CTDSPL: variants seen among roughly 807,000 people sequenced by gnomAD.
CTDSPL encodes CTD small phosphatase-like protein.
In CTDSPL, 8 loss-of-function variants were observed where a neutral mutation model predicts 30.5. That is an observed-to-expected ratio of 0.26 (90% CI 0.15 to 0.47). The LOEUF is 0.47. Among genes scored for constraint, CTDSPL ranks in the 20% least tolerant of loss-of-function variants. CTDSPL has a pLI of 0.99. For synonymous variants in CTDSPL, 110 were observed against 137.9 expected, an observed-to-expected ratio of 0.80 and a Z score of 1.42; for missense variants, 248 against 366.1, an observed-to-expected ratio of 0.68 and a Z score of 2.63.
intron 1 of CTDSPL, among the ~76,000 whole-genome samples, chr3:37,928,839 C>T (rs1698816659): frequency 6.6e-6 from 1 of 152,102 alleles, no homozygotes; most frequent in Non-Finnish European, 1.5e-5. Context: ...GTGTCATATC[C>T]AAGAAATCAT....
intron 1 of CTDSPL, among the ~76,000 whole-genome samples, chr3:37,934,318 CCT>C (rs1698890210): frequency 6.6e-6 from 1 of 150,854 alleles, no homozygotes; most frequent in East Asian, 1.9e-4. Context: ...AGAGCGAGAC[CCT>C]CTCTCTTAAA....
At chr3:37,865,470 G>T (rs1697998582) in intron 1 of CTDSPL, among the ~76,000 whole-genome samples, 1 of 152,162 alleles carries the variant, frequency 6.6e-6, no homozygotes, top group Non-Finnish European at 1.5e-5. Context: ...TGACTTAATA[G>T]ACTTTTGTGA....
rs557511131 is a variant in CTDSPL at position 37,930,102 on chromosome 3, G to A, written c.80-16955G>A. On this transcript the variant is annotated intron_variant, in intron 1 of 7. Transcript: ENST00000273179. ...AGCCTGGGTGACAGAGTGAGACTCC[G>A]TCTCAAAAAAAAAGAAAAAAAAAAA... 2.7e-4 allele frequency among the ~76,000 whole-genome samples: 38 copies of A among 138,734 alleles called. No homozygotes were observed. In the South Asian group the frequency reaches 6.4e-3, roughly 23 times the overall value. The allele number at this position is 138,734 out of a possible 152,430, so 91.0% of individuals were successfully genotyped here.
chr3:37,958,424 A>G (rs1404887888), intron 3 of CTDSPL, among the ~76,000 whole-genome samples: 2 of 152,208 alleles, frequency 1.3e-5, no homozygotes, highest in African/African-American at 4.8e-5. Context: ...TAACCTTTAT[A>G]TAAAGTAGTT....
At chr3:37,912,358 G>A (rs1698593637) in intron 1 of CTDSPL, among the ~76,000 whole-genome samples, 1 of 152,204 alleles carries the variant, frequency 6.6e-6, no homozygotes, top group African/African-American at 2.4e-5. Context: ...CCAGCCTCTT[G>A]CTGCTTTTGA....
intron 1 of CTDSPL, among the ~76,000 whole-genome samples, chr3:37,885,563 C>G (rs1331423993): frequency 6.6e-6 from 1 of 151,992 alleles, no homozygotes. Flanking sequence ...GTTTGCTGAC[C>G]CTCTCTCCCA....
chr3:37,959,591 G>T (rs1699213260), intron 3 of CTDSPL, among the ~76,000 whole-genome samples: 1 of 152,100 alleles, frequency 6.6e-6, no homozygotes, highest in Non-Finnish European at 1.5e-5. Context: ...ATATTAGTAG[G>T]TATATATCTG....
chr3:37,886,088 A>C (rs763263861), intron 1 of CTDSPL, among the ~76,000 whole-genome samples: 3 of 152,130 alleles, frequency 2.0e-5, no homozygotes, highest in Non-Finnish European at 4.4e-5. Context: ...CTGGTTCCCA[A>C]GTGTCTCTAA....
At chr3:37,894,385 G>A (rs1426052853) in intron 1 of CTDSPL, among the ~76,000 whole-genome samples, 1 of 152,078 alleles carries the variant, frequency 6.6e-6, no homozygotes, top group African/African-American at 2.4e-5. Flanking sequence ...GGGATTACAG[G>A]CGTGAACCAC....
intron 3 of CTDSPL, among the ~76,000 whole-genome samples, chr3:37,960,936 G>A (rs1358701109): frequency 6.6e-6 from 1 of 151,798 alleles, no homozygotes; most frequent in Non-Finnish European, 1.5e-5. Flanking sequence ...ATATCTTTTG[G>A]CCTTTTTTGT....
At position 37,862,375 on chromosome 3, in the gene CTDSPL, G is replaced by A; in HGVS notation, c.79+97G>A. ...GCGCCGGCATGGGCCTGGGGGAGGG[G>A]TGCACAGGGCCCGGAGGGTGCGTGG... is the stretch of plus-strand genomic sequence containing the variant. On this transcript the variant is annotated intron_variant, in intron 1 of 7. Coordinates refer to ENST00000273179, the MANE Select transcript of CTDSPL (RefSeq NM_001008392.2). The surrounding 1 kb of genome is among the most constrained non-coding windows in gnomAD (Gnocchi z 4.3). 2 of 1,065,824 alleles carry A rather than the reference G, an allele frequency of 1.9e-6. No homozygotes were observed. 66.0% of individuals were successfully genotyped at this position (1,065,824 alleles called of 1,614,324 possible). A position where few individuals can be genotyped will look rare whatever the true frequency, so the allele number is the denominator to read the frequency against.
chr3:37,905,596 CT>C (rs201749865), intron 1 of CTDSPL, among the ~76,000 whole-genome samples: 3,096 of 152,312 alleles, frequency 0.02, 47 homozygotes, highest in South Asian at 0.08. Context: ...CCTTCCCCCC[CT>C]CCCTCCTTGT....
At chr3:37,951,075 T>A (rs1699101502) in intron 2 of CTDSPL, among the ~76,000 whole-genome samples, 3 of 152,100 alleles carry the variant, frequency 2.0e-5, no homozygotes, top group Admixed American at 6.6e-5. Flanking sequence ...TTATTAAAAA[T>A]GTTAGAAATG....
chr3:37,980,674 G>A (rs762583868), intron 7 of CTDSPL, 68 bp from the exon 8 acceptor site: 26 of 1,561,886 alleles, frequency 1.7e-5, no homozygotes, highest in South Asian at 9.2e-5. Context: ...CCGGGTACCC[G>A]GTTAGGTTAG....
intron 1 of CTDSPL, among the ~76,000 whole-genome samples, chr3:37,904,897 A>G (rs946337943): frequency 6.6e-6 from 1 of 152,070 alleles, no homozygotes; most frequent in Non-Finnish European, 1.5e-5. Flanking sequence ...CACCCTGTCC[A>G]TCTTTCCAAG....
At chr3:37,905,471 T>C (rs1169188695) in intron 1 of CTDSPL, among the ~76,000 whole-genome samples, 1 of 152,212 alleles carries the variant, frequency 6.6e-6, no homozygotes, top group Non-Finnish European at 1.5e-5. Flanking sequence ...TGGAGTTTTT[T>C]TCCAGGCCTG....
At chr3:37,917,193 G>T (rs1381190260) in intron 1 of CTDSPL, among the ~76,000 whole-genome samples, 2 of 152,214 alleles carry the variant, frequency 1.3e-5, no homozygotes, top group Non-Finnish European at 2.9e-5. Context: ...AAGGGTGGGA[G>T]CACAGTACGG....
chr3:37,980,830 A>G lies in CTDSPL; in HGVS notation c.794A>G (p.Asp265Gly). Residue 265 changes from aspartate to glycine, a missense_variant, in exon 8 of 8, where the codon GAC becomes GGC. Coordinates refer to ENST00000273179, the MANE Select transcript of CTDSPL (RefSeq NM_001008392.2). ...PFFEGLSRED[D>G]VYSMLHRLCN... Reference sequence around the variant, plus strand: ...TTTGAGGGCCTGAGCCGGGAGGACGACGTGTACAGCATGCTGCACAGACTC... The same window carrying G: ...TTTGAGGGCCTGAGCCGGGAGGACGGCGTGTACAGCATGCTGCACAGACTC... 6.2e-7 allele frequency: 1 copy of G among 1,614,118 alleles called. No homozygotes were observed. Among genetic ancestry groups the G allele is most frequent in the Non-Finnish European group, 8.5e-7 (1 of 1,179,992 alleles).
intron 1 of CTDSPL, among the ~76,000 whole-genome samples, chr3:37,872,702 G>A (rs1698089659): frequency 6.6e-6 from 1 of 150,802 alleles, no homozygotes. Context: ...AGCCTCCTGA[G>A]TAGCTGGGAC....
Sources: allele counts gnomAD v4.1 joint callset (sites outside exome capture counted in the v4.1 genomes callset), GRCh38; gene constraint gnomAD v4.1.1; non-coding constraint Gnocchi (gnomAD v3.1); transcripts MANE v1.5; gene names NCBI Gene and HGNC (gene_info 2026-07-23, HGNC 2026-07-21).